The following NCKAP5 variants were observed in gnomAD, a reference collection of about 807,000 sequenced individuals.
NCKAP5 encodes NCK associated protein 5, also known as nck-associated protein 5.
Under a neutral mutation model 167.0 loss-of-function variants are expected in NCKAP5, and 92 were observed. That is an observed-to-expected ratio of 0.55 (90% CI 0.47 to 0.66). The LOEUF is 0.66. NCKAP5 is among the 30% of genes least tolerant of loss of function. The pLI is 0.00. For missense variants in NCKAP5, 2,378 were observed against 2,315.0 expected, an observed-to-expected ratio of 1.03 and a Z score of -0.56; for synonymous variants, 891 against 877.4, an observed-to-expected ratio of 1.02 and a Z score of -0.27.
intron 11 of NCKAP5, among the ~76,000 whole-genome samples, chr2:132,834,099 A>G (rs1574367282): frequency 6.6e-6 from 1 of 152,158 alleles, no homozygotes; most frequent in African/African-American, 2.4e-5. Flanking sequence ...TAACAAATCT[A>G]AGAGCTTTTT....
chr2:133,050,894 AAG>A (rs1369840092), intron 6 of NCKAP5, among the ~76,000 whole-genome samples: 5 of 152,242 alleles, frequency 3.3e-5, no homozygotes, highest in Non-Finnish European at 7.3e-5. Context: ...ACCAAAAAGA[AAG>A]AGGGATAAAA....
chr2:132,954,626 G>A (rs1444644551), intron 8 of NCKAP5: 14 of 453,936 alleles, frequency 3.1e-5, no homozygotes. Context: ...TTTTTGAAAA[G>A]TATTGAATAA....
chr2:133,290,728 C>CTTTTTTTTTTTTTTTTTTTTTTTTTTTT (rs58758295), intron 4 of NCKAP5, among the ~76,000 whole-genome samples: 4 of 89,366 alleles, frequency 4.5e-5, no homozygotes, highest in Non-Finnish European at 4.2e-5. Flanking sequence ...AGAATTTCTC[C>CTTTTTTTTTTTTTTTTTTTTTTTTTTTT]TTTTTTTTTT....
chr2:132,993,457 A>G (rs566541210), intron 7 of NCKAP5, among the ~76,000 whole-genome samples: 54 of 152,264 alleles, frequency 3.5e-4, no homozygotes, highest in African/African-American at 1.1e-3. Context: ...GGCTATCAGA[A>G]GAAGACAAAG....
At chr2:132,730,344 A>T (rs889015034) in intron 17 of NCKAP5, among the ~76,000 whole-genome samples, 2 of 152,094 alleles carry the variant, frequency 1.3e-5, no homozygotes, top group African/African-American at 4.8e-5. Flanking sequence ...AAATACAAAA[A>T]ATTAGCCAGG....
At chr2:132,730,030 C>A (rs898812773) in intron 17 of NCKAP5, among the ~76,000 whole-genome samples, 1 of 152,078 alleles carries the variant, frequency 6.6e-6, no homozygotes, top group Admixed American at 6.5e-5. Flanking sequence ...CATGCATAAC[C>A]GATGGACACA....
At chr2:133,110,679 C>T (rs1188254344) in intron 6 of NCKAP5, among the ~76,000 whole-genome samples, 6 of 152,170 alleles carry the variant, frequency 3.9e-5, no homozygotes, top group African/African-American at 1.4e-4. Context: ...TAACCTATGG[C>T]TTTCCTCATT....
At chr2:132,704,286 C>T (rs1470885360) in intron 19 of NCKAP5, among the ~76,000 whole-genome samples, 1 of 152,108 alleles carries the variant, frequency 6.6e-6, no homozygotes, top group Admixed American at 6.5e-5. Flanking sequence ...GAATGAATTT[C>T]ATGTCATCTG....
chr2:133,044,898 T>C (rs2149466526), intron 6 of NCKAP5, among the ~76,000 whole-genome samples: 1 of 151,502 alleles, frequency 6.6e-6, no homozygotes, highest in South Asian at 2.1e-4. Context: ...CTACAAAAAA[T>C]GGAAAAGTTA....
intron 3 of NCKAP5, among the ~76,000 whole-genome samples, chr2:133,496,121 C>A (rs985082509): frequency 1.3e-5 from 2 of 152,144 alleles, no homozygotes; most frequent in African/African-American, 2.4e-5. Context: ...ACTTGCTTAA[C>A]AAATCAGCCC....
chr2:133,137,504 G>T (rs761600349), intron 5 of NCKAP5, among the ~76,000 whole-genome samples: 27 of 151,204 alleles, frequency 1.8e-4, no homozygotes, highest in Admixed American at 6.6e-4. Context: ...AGAGGAGAAG[G>T]GTGGGGTAGA....
At chr2:133,372,966 T>C (rs559937439) in intron 3 of NCKAP5, among the ~76,000 whole-genome samples, 2 of 152,348 alleles carry the variant, frequency 1.3e-5, no homozygotes, top group African/African-American at 4.8e-5. Flanking sequence ...AGATCAGTGG[T>C]ACTCAGATGT....
At chr2:133,200,498 T>C (rs2085642374) in intron 5 of NCKAP5, among the ~76,000 whole-genome samples, 1 of 152,142 alleles carries the variant, frequency 6.6e-6, no homozygotes, top group Non-Finnish European at 1.5e-5. Flanking sequence ...GACTTCAATG[T>C]AAGGAAGGGC....
At chr2:133,037,336 C>G (rs1465496564) in intron 6 of NCKAP5, among the ~76,000 whole-genome samples, 1 of 151,994 alleles carries the variant, frequency 6.6e-6, no homozygotes, top group Non-Finnish European at 1.5e-5. Context: ...CCAGAATAGC[C>G]AAAGCTATCC....
At chr2:132,857,175 T>C (rs557533010) in intron 11 of NCKAP5, among the ~76,000 whole-genome samples, 1 of 152,166 alleles carries the variant, frequency 6.6e-6, no homozygotes, top group South Asian at 2.1e-4. Context: ...CATTATCTTT[T>C]TTTTTTTAAT....
rs564492460 is a variant in NCKAP5, at chr2:132,778,882, A to G, written c.5049+2170T>C. On this transcript the variant is annotated intron_variant, in intron 15 of 19. Coordinates refer to ENST00000409261, the MANE Select transcript of NCKAP5 (RefSeq NM_207363.3). Reference sequence around the variant, plus strand: ...CCTATTCTTGTACCAGTCACAAAGGAGTCTATAGCAACGTCCTTTGTGAAA... The same window carrying G: ...CCTATTCTTGTACCAGTCACAAAGGGGTCTATAGCAACGTCCTTTGTGAAA... Among the ~76,000 whole-genome samples the G allele has an allele frequency of 1.0e-3, 156 of 152,308 alleles. 1 individual carries two copies. Among genetic ancestry groups the G allele is most frequent in the Non-Finnish European group, 1.9e-3 (126 of 68,006 alleles).
In NCKAP5 at chr2:132,784,983, T is replaced by A. The variant is rs1468341720; in HGVS notation, c.1828A>T (p.Thr610Ser). 5.0e-6 allele frequency: 8 copies of A among 1,613,824 alleles called. No individual in the cohort carries two copies. The highest frequency in any genetic ancestry group is 5.9e-6 in the Non-Finnish European group (7 of 1,179,796). Reference protein sequence around the residue: ...SPSDVSLAADTDKSVENLDVL... With the variant: ...SPSDVSLAADSDKSVENLDVL... ...TCCAGGTTCTCCACGGACTTATCGG[T>A]GTCGGCAGCCAATGACACGTCTGAA... The change falls in exon 14 of 20, where the codon ACC (threonine) becomes TCC (serine). Residue 610 changes from threonine to serine, a missense_variant. By Grantham distance (58) the Thr-to-Ser change is moderately conservative. Around this residue, in one of 3 missense-constraint regions of NCKAP5, gnomAD observed 1,049 missense variants for 1,023.4 expected, o/e 1.02. Coordinates refer to ENST00000409261, the MANE Select transcript of NCKAP5 (RefSeq NM_207363.3).
intron 4 of NCKAP5, among the ~76,000 whole-genome samples, chr2:133,253,752 GA>G (rs2088473765): frequency 2.0e-5 from 3 of 151,854 alleles, no homozygotes; most frequent in African/African-American, 4.8e-5. Context: ...ATTTTAGTGA[GA>G]AAAAAAGGGA....
chr2:133,380,110 T>A (rs1307168321), intron 3 of NCKAP5, among the ~76,000 whole-genome samples: 3 of 152,206 alleles, frequency 2.0e-5, no homozygotes, highest in Non-Finnish European at 4.4e-5. Context: ...ATTTATTTAT[T>A]CCTTCTATGA....
Sources: allele counts gnomAD v4.1 joint callset (sites outside exome capture counted in the v4.1 genomes callset), GRCh38; gene constraint gnomAD v4.1.1; regional missense constraint gnomAD v4.1.1; transcripts MANE v1.5; gene names NCBI Gene and HGNC (gene_info 2026-07-23, HGNC 2026-07-21).